Variants in DENND4C observed in about 807,000 individuals in gnomAD.
The protein encoded by DENND4C is DENN domain containing 4C.
A neutral mutation model predicts 203.0 loss-of-function variants in DENND4C; 108 were observed. The ratio of observed to expected loss-of-function variants is 0.53; its 90% CI spans 0.46 to 0.62. The LOEUF is 0.62. Ranked by LOEUF, DENND4C falls within the 20% of genes least tolerant of loss-of-function variation. The pLI is 0.00. For missense variants in DENND4C, 2,481 were observed against 2,301.2 expected, an observed-to-expected ratio of 1.08 and a Z score of -1.60; for synonymous variants, 871 against 792.4, an observed-to-expected ratio of 1.10 and a Z score of -1.67.
In DENND4C at chr9:19,284,407, G is replaced by T. The variant is rs189494262; in HGVS notation, c.306-2362G>T. Among the ~76,000 whole-genome samples the T allele has an allele frequency of 1.7e-3, 252 of 152,278 alleles. 2 individuals are homozygous for T. The highest frequency in any genetic ancestry group is 4.6e-3 in the African/African-American group (193 of 41,556). ...TGTTCTCAGTTTTGTGCTATTAAAAGAATGCTTTGATGAATAACTGTGCAT... is the reference window on the plus strand; with the variant it reads ...TGTTCTCAGTTTTGTGCTATTAAAATAATGCTTTGATGAATAACTGTGCAT... On this transcript the variant is annotated intron_variant, in intron 2 of 32. Coordinates refer to ENST00000434457, the MANE Select transcript of DENND4C (RefSeq NM_001330640.2).
At chr9:19,344,681 T>G (rs970162784) in intron 22 of DENND4C, among the ~76,000 whole-genome samples, 10 of 152,140 alleles carry the variant, frequency 6.6e-5, no homozygotes, top group Non-Finnish European at 1.3e-4. Flanking sequence ...TTTGTATTTT[T>G]TTGCGGAGAC....
intron 1 of DENND4C, among the ~76,000 whole-genome samples, chr9:19,269,319 C>T (rs1234696117): frequency 6.6e-6 from 1 of 152,044 alleles, no homozygotes; most frequent in Non-Finnish European, 1.5e-5. Flanking sequence ...CGCTACCATG[C>T]CCGGCTAATT....
chr9:19,305,120 T>G (rs1375481896), intron 9 of DENND4C, among the ~76,000 whole-genome samples: 1 of 152,114 alleles, frequency 6.6e-6, no homozygotes, highest in Non-Finnish European at 1.5e-5. Context: ...CAAAAAGCTG[T>G]TAGTATTTTT....
chr9:19,352,458 C>A (rs200614389), intron 25 of DENND4C, 32 bp from the exon 26 acceptor site: 13 of 1,514,254 alleles, frequency 8.6e-6, no homozygotes, highest in African/African-American at 1.4e-5. Flanking sequence ...TTTTATTAAA[C>A]GTTCTCAGTG....
At chr9:19,272,561 T>C (rs1831945541) in intron 1 of DENND4C, among the ~76,000 whole-genome samples, 4 of 152,006 alleles carry the variant, frequency 2.6e-5, no homozygotes, top group African/African-American at 9.7e-5. Context: ...CTGGCCAGAA[T>C]AGTTTTTTCA....
chr9:19,351,095 A>G (rs1824015773), intron 24 of DENND4C, among the ~76,000 whole-genome samples: 1 of 151,550 alleles, frequency 6.6e-6, no homozygotes, highest in African/African-American at 2.4e-5. Context: ...GATGCCTGTA[A>G]CTCCCCGCTC....
chr9:19,273,308 A>G (rs1832157616), intron 1 of DENND4C, among the ~76,000 whole-genome samples: 1 of 151,702 alleles, frequency 6.6e-6, no homozygotes, highest in African/African-American at 2.4e-5. Flanking sequence ...CTGGTCTGGA[A>G]CTCCTGACCT....
intron 5 of DENND4C, among the ~76,000 whole-genome samples, chr9:19,295,436 T>C (rs1489989367): frequency 6.7e-6 from 1 of 150,208 alleles, no homozygotes; most frequent in Non-Finnish European, 1.5e-5. Flanking sequence ...ACCCAGGAGG[T>C]GGAGCTTGCA....
chr9:19,233,169 A>G (rs1821012047), intron 1 of DENND4C, among the ~76,000 whole-genome samples: 1 of 152,180 alleles, frequency 6.6e-6, no homozygotes, highest in Non-Finnish European at 1.5e-5. Context: ...TGATTTGCAA[A>G]ACGGAATTTC....
intron 16 of DENND4C, among the ~76,000 whole-genome samples, chr9:19,331,050 C>G (rs2131775702): frequency 6.6e-6 from 1 of 151,704 alleles, no homozygotes; most frequent in East Asian, 2.0e-4. Context: ...AAGCAAGACT[C>G]TGTCTTAAAA....
intron 20 of DENND4C, among the ~76,000 whole-genome samples, chr9:19,338,468 T>G (rs1247289908): frequency 6.6e-6 from 1 of 152,084 alleles, no homozygotes; most frequent in Non-Finnish European, 1.5e-5. Context: ...AACCTTCAGG[T>G]CCCCCTTATA....
chr9:19,323,161 G>A (rs7041985), intron 12 of DENND4C, among the ~76,000 whole-genome samples: 39,835 of 152,118 alleles, frequency 0.26, 5,435 homozygotes, highest in East Asian at 0.43. Context: ...GAGGCTAGGT[G>A]CAGTGGCTCA....
At chr9:19,241,521 T>G (rs917835835) in intron 1 of DENND4C, among the ~76,000 whole-genome samples, 4 of 151,840 alleles carry the variant, frequency 2.6e-5, no homozygotes, top group African/African-American at 9.7e-5. Context: ...TTTCTTTTTT[T>G]TTTTACTTTT....
At chr9:19,269,031 C>G (rs950504720) in intron 1 of DENND4C, among the ~76,000 whole-genome samples, 2 of 152,136 alleles carry the variant, frequency 1.3e-5, no homozygotes, top group Non-Finnish European at 2.9e-5. Flanking sequence ...GTACATACTT[C>G]TCTCTACCTT....
At chr9:19,260,536 T>A (rs1829100498) in intron 1 of DENND4C, among the ~76,000 whole-genome samples, 1 of 152,120 alleles carries the variant, frequency 6.6e-6, no homozygotes, top group African/African-American at 2.4e-5. Flanking sequence ...TAGCTGGATC[T>A]ACAGGTGTGT....
chr9:19,281,355 G>C (rs1019773903), intron 2 of DENND4C, among the ~76,000 whole-genome samples: 1 of 151,964 alleles, frequency 6.6e-6, no homozygotes, highest in African/African-American at 2.4e-5. Context: ...TTAATGTCTG[G>C]TGACTTAAAT....
rs368857837 is a variant in DENND4C, at chr9:19,372,858, C to CAAAAAAAAAAAAA, written c.*695_*707dup. ...CTTGGGTGACAGAGTGAGACCGTCTCAAAAAAAAAAAAAAAAAAAAAAGAG... is the reference window on the plus strand; with the variant it reads ...CTTGGGTGACAGAGTGAGACCGTCTCAAAAAAAAAAAAAAAAAAAAAAAAAAAAAAAAAAAGAG... On this transcript the variant is annotated 3_prime_UTR_variant, in exon 33 of 33. Transcript: ENST00000434457. 7.9e-4 allele frequency: 42 copies of CAAAAAAAAAAAAA among 52,984 alleles called. No individual in the cohort carries two copies. Among genetic ancestry groups the CAAAAAAAAAAAAA allele is most frequent in the African/African-American group, 2.4e-3 (40 of 16,942 alleles). 3.3% of individuals were successfully genotyped at this position (52,984 alleles called of 1,614,324 possible).
chr9:19,321,282 G>A lies in DENND4C; in HGVS notation c.1808-3080G>A, dbSNP rs140222101. ...AGGTGACCTGGATTAATTGATGATA[G>A]TGTGAATAGAAGAGTGATTTTTTTA... is the stretch of plus-strand genomic sequence containing the variant. On this transcript the variant is annotated intron_variant, in intron 12 of 32. Transcript: ENST00000434457. Among the ~76,000 whole-genome samples the A allele has an allele frequency of 1.3e-3, 202 of 152,312 alleles. 2 individuals are homozygous for A. The East Asian group carries it at 0.033, about 25-fold the overall frequency.
At chr9:19,266,574 C>G (rs1171582325) in intron 1 of DENND4C, among the ~76,000 whole-genome samples, 4 of 152,182 alleles carry the variant, frequency 2.6e-5, no homozygotes, top group Admixed American at 2.0e-4. Context: ...TGACTTCAAA[C>G]TATACTACAA....
Sources: gnomAD v4.1 joint callset for allele counts (sites outside exome capture counted in the v4.1 genomes callset) on GRCh38, gnomAD v4.1.1 for gene constraint, MANE v1.5 for transcripts, NCBI Gene and HGNC (gene_info 2026-07-23, HGNC 2026-07-21) for gene names.